The following DLG2 variants were observed in gnomAD, a reference collection of about 807,000 sequenced individuals.
DLG2 encodes discs large MAGUK scaffold protein 2, also known as disks large homolog 2.
In DLG2, 45 loss-of-function variants were observed where a neutral mutation model predicts 132.5. That is an observed-to-expected ratio of 0.34 (90% CI 0.27 to 0.44). The LOEUF is 0.44. Among genes scored for constraint, DLG2 ranks in the 20% least tolerant of loss-of-function variants. DLG2 has a pLI of 1.00. For synonymous variants in DLG2, 424 were observed against 419.6 expected (o/e 1.01, Z -0.13); for missense variants, 1,045 against 1,196.9 (o/e 0.87, Z 1.87).
At chr11:83,617,689 G>A (rs974568161) in intron 19 of DLG2, among the ~76,000 whole-genome samples, 3 of 152,082 alleles carry the variant, frequency 2.0e-5, no homozygotes, top group African/African-American at 7.2e-5. Context: ...CCTGTTTCCA[G>A]GGAAAAAGCT....
At chr11:85,587,842 G>A (rs946394733) in intron 3 of DLG2, among the ~76,000 whole-genome samples, 3 of 152,168 alleles carry the variant, frequency 2.0e-5, no homozygotes, top group African/African-American at 4.8e-5. Flanking sequence ...TCGAGGTTTT[G>A]TTTCAGGATT....
Position 84,184,092 on chromosome 11 carries a change from G to A in DLG2, c.574-20581C>T, listed in dbSNP as rs200165684. Among the ~76,000 whole-genome samples, 14 of 152,280 alleles carry A rather than the reference G, an allele frequency of 9.2e-5. No homozygotes were observed. In the East Asian group the frequency reaches 2.7e-3, roughly 29 times the overall value. On this transcript the variant is annotated intron_variant, in intron 8 of 27. Transcript: ENST00000376104. ...TTATAATCCTTTGGGTATATACCCA[G>A]TAATGGGATGGCTGGGTCAAATGGT...
At chr11:84,045,260 T>C (rs772552252) in intron 11 of DLG2, among the ~76,000 whole-genome samples, 20 of 151,730 alleles carry the variant, frequency 1.3e-4, no homozygotes, top group Non-Finnish European at 2.8e-4. Context: ...CCAAATTCCA[T>C]CTTATTTCTG....
chr11:84,649,379 A>G (rs546579965), intron 6 of DLG2, among the ~76,000 whole-genome samples: 97 of 152,308 alleles, frequency 6.4e-4, no homozygotes, highest in Non-Finnish European at 8.7e-4. Flanking sequence ...TTTTTATATA[A>G]TGGGACCAAC....
chr11:84,259,332 T>G (rs556385437), intron 7 of DLG2, among the ~76,000 whole-genome samples: 1 of 152,302 alleles, frequency 6.6e-6, no homozygotes, highest in African/African-American at 2.4e-5. Flanking sequence ...ACTTTTTGCT[T>G]TCCTAGATTT....
chr11:84,814,788 T>A (rs2076932200), intron 6 of DLG2, among the ~76,000 whole-genome samples: 1 of 152,136 alleles, frequency 6.6e-6, no homozygotes, highest in Non-Finnish European at 1.5e-5. Flanking sequence ...TGCTATACTC[T>A]TACATTGCTA....
At chr11:83,532,213 TA>T (rs1257333868) in intron 21 of DLG2, among the ~76,000 whole-genome samples, 1 of 152,120 alleles carries the variant, frequency 6.6e-6, no homozygotes, top group African/African-American at 2.4e-5. Context: ...GTAAATATTC[TA>T]ATTTTGATGG....
At chr11:84,780,810 A>T (rs566208427) in intron 6 of DLG2, among the ~76,000 whole-genome samples, 3 of 152,226 alleles carry the variant, frequency 2.0e-5, no homozygotes, top group South Asian at 2.1e-4. Context: ...GGATGGATTT[A>T]ACTTCCTTCT....
rs537643254 is a variant in DLG2 at position 85,473,034 on chromosome 11, A to G, written c.40+125623T>C. Among the ~76,000 whole-genome samples the G allele has an allele frequency of 1.1e-4, 16 of 152,302 alleles. No homozygotes were observed. The South Asian group carries it at 3.3e-3, about 32-fold the overall frequency. On this transcript the variant is annotated intron_variant, in intron 3 of 27. Transcript: ENST00000376104. ...GGCATCTCCAAGTTTTGGGGGCACC[A>G]CTGCTTTCCCCTTGTCTAGACACGG...
At chr11:85,247,228 T>C (rs1027816050) in intron 4 of DLG2, among the ~76,000 whole-genome samples, 3 of 152,042 alleles carry the variant, frequency 2.0e-5, no homozygotes, top group African/African-American at 7.2e-5. Flanking sequence ...GAAGGGGAGA[T>C]AGTAAAGAAA....
chr11:85,204,841 C>A (rs553972074), intron 4 of DLG2, among the ~76,000 whole-genome samples: 1 of 152,078 alleles, frequency 6.6e-6, no homozygotes, highest in Non-Finnish European at 1.5e-5. Context: ...GACACACAGG[C>A]CAATGAAACA....
intron 3 of DLG2, among the ~76,000 whole-genome samples, chr11:85,519,026 T>C (rs1322500902): frequency 6.6e-6 from 1 of 152,070 alleles, no homozygotes; most frequent in Non-Finnish European, 1.5e-5. Context: ...GAAAGACATA[T>C]GGAAACACCC....
chr11:84,919,848 T>C (rs2092675368), intron 6 of DLG2, among the ~76,000 whole-genome samples: 1 of 152,210 alleles, frequency 6.6e-6, no homozygotes. Flanking sequence ...TTTCCTATAA[T>C]ATAGACAATT....
At chr11:84,041,175 A>T (rs1258525845) in intron 11 of DLG2, among the ~76,000 whole-genome samples, 1 of 151,948 alleles carries the variant, frequency 6.6e-6, no homozygotes, top group African/African-American at 2.4e-5. Context: ...TACTATATGG[A>T]TGCAATACAA....
At chr11:83,870,003 G>A (rs775479115) in intron 16 of DLG2, among the ~76,000 whole-genome samples, 3 of 152,164 alleles carry the variant, frequency 2.0e-5, no homozygotes, top group Non-Finnish European at 2.9e-5. Flanking sequence ...GTTTTTGCAC[G>A]TGATTTTATT....
chr11:85,002,155 G>A (rs1022671912), intron 6 of DLG2, among the ~76,000 whole-genome samples: 1 of 151,986 alleles, frequency 6.6e-6, no homozygotes, highest in Non-Finnish European at 1.5e-5. Context: ...GGGATACACA[G>A]GTGTGATTTT....
intron 19 of DLG2, among the ~76,000 whole-genome samples, chr11:83,595,226 T>C (rs905308311): frequency 2.6e-5 from 4 of 152,216 alleles, no homozygotes; most frequent in African/African-American, 7.2e-5. Flanking sequence ...AAATAAAGCA[T>C]TGCTGCACTG....
intron 3 of DLG2, among the ~76,000 whole-genome samples, chr11:85,356,185 C>T (rs959381019): frequency 1.3e-5 from 2 of 152,180 alleles, no homozygotes; most frequent in Non-Finnish European, 2.9e-5. Flanking sequence ...AAATCATTCT[C>T]TAAATACACA....
rs192571358 is a variant in DLG2, at chr11:84,264,180, A to C, written c.520-12889T>G. 1.8e-4 allele frequency among the ~76,000 whole-genome samples: 27 copies of C among 152,256 alleles called. No homozygotes were observed. The East Asian group carries it at 4.2e-3, about 24-fold the overall frequency. ...CTGCTGGCATTTGCTGATGCCAAAG[A>C]ATATACTCTGCAGATGTGTTTCTAT... is the stretch of plus-strand genomic sequence containing the variant. On this transcript the variant is annotated intron_variant, in intron 7 of 27. Transcript: ENST00000376104.
Sources: allele counts gnomAD v4.1 joint callset (sites outside exome capture counted in the v4.1 genomes callset), GRCh38; gene constraint gnomAD v4.1.1; transcripts MANE v1.5; gene names NCBI Gene and HGNC (gene_info 2026-07-23, HGNC 2026-07-21).